The following KCNE3 variants were observed in gnomAD, a reference collection of about 807,000 sequenced individuals.
KCNE3 encodes potassium voltage-gated channel subfamily E regulatory subunit 3, also known as potassium voltage-gated channel subfamily E member 3.
Under a neutral mutation model 4.3 loss-of-function variants are expected in KCNE3, and 2 were observed. That is an observed-to-expected ratio of 0.47 (90% CI 0.19 to 1.48). The LOEUF is 1.48. KCNE3 is among the 40% of genes most tolerant of loss of function. The pLI, the probability that KCNE3 is intolerant of heterozygous loss-of-function variation, is 0.25. For synonymous variants in KCNE3, 47 were observed against 52.0 expected, an observed-to-expected ratio of 0.90 and a Z score of 0.41; for missense variants, 128 against 136.8, an observed-to-expected ratio of 0.94 and a Z score of 0.32.
At position 74,457,200 on chromosome 11, in the gene KCNE3, C is replaced by T. The variant is rs1055293593; in HGVS notation, c.*52G>A. The T allele has an allele frequency of 6.4e-7, 1 of 1,555,688 alleles. No individual in the cohort carries two copies. The highest frequency in any genetic ancestry group is 8.8e-7 in the Non-Finnish European group (1 of 1,137,034). ...AGTCCACAGCAGAGTTCTGGAGGCC[C>T]CAGACGCAATCCCCAGGTGTCTTGG... On this transcript the variant is annotated 3_prime_UTR_variant, in exon 3 of 3. Transcript: ENST00000310128.
chr11:74,458,659 C>G (rs886836189), intron 2 of KCNE3, among the ~76,000 whole-genome samples: 1 of 152,060 alleles, frequency 6.6e-6, no homozygotes, highest in African/African-American at 2.4e-5. Context: ...TGTGGTGAAA[C>G]CCGTCTCTAC....
At chr11:74,463,973 G>A (rs559202442) in intron 1 of KCNE3, among the ~76,000 whole-genome samples, 2 of 152,308 alleles carry the variant, frequency 1.3e-5, no homozygotes, top group Admixed American at 1.3e-4. Flanking sequence ...CAATGATCCA[G>A]TGAGATGGAG....
At position 74,457,342 on chromosome 11, in the gene KCNE3, G is replaced by T; in HGVS notation, c.222C>A (p.Ser74Arg). Residue 74 changes from serine (S) to arginine (R), a missense_variant, in exon 3 of 3, where the codon AGC (serine) becomes AGA (arginine). Physicochemically the swap from Ser to Arg is moderately radical, Grantham distance 110. Coordinates refer to ENST00000310128, the MANE Select transcript of KCNE3 (RefSeq NM_005472.5). ...GGGAGCGGGTGTATCCCAGGATGAG[G>T]CTGCCCACAGTTACAGCAAATAGAA... ...VMFLFAVTVG[S>R]LILGYTRSRK... 1 of 1,614,218 alleles carries T rather than the reference G, an allele frequency of 6.2e-7. No individual in the cohort carries two copies.
rs1863841670 is a variant in KCNE3, at chr11:74,457,326, T to A, written c.238A>T (p.Thr80Ser). Residue 80 changes from threonine (T) to serine (S), a missense_variant, in exon 3 of 3, where the codon ACC becomes TCC. Thr to Ser is a moderately conservative substitution (Grantham distance 58). Coordinates refer to ENST00000310128, the MANE Select transcript of KCNE3 (RefSeq NM_005472.5). Reference protein sequence around the residue: ...VTVGSLILGYTRSRKVDKRSD... With the variant: ...VTVGSLILGYSRSRKVDKRSD... ...CGCTTGTCCACTTTGCGGGAGCGGG[T>A]GTATCCCAGGATGAGGCTGCCCACA... The A allele has an allele frequency of 6.2e-7, 1 of 1,614,050 alleles. No homozygotes were observed. Among genetic ancestry groups the A allele is most frequent in the East Asian group, 2.2e-5 (1 of 44,898 alleles).
chr11:74,459,180 T>C (rs1863888003), intron 2 of KCNE3, among the ~76,000 whole-genome samples: 1 of 152,180 alleles, frequency 6.6e-6, no homozygotes, highest in Admixed American at 6.5e-5. Flanking sequence ...AAAGTCATTA[T>C]GTACCTGGCA....
Position 74,455,698 on chromosome 11 carries a change from ATT to A in KCNE3, c.*1552_*1553del, listed in dbSNP as rs546391778. The A allele has an allele frequency of 3.3e-5, 5 of 151,494 alleles. No individual in the cohort carries two copies. The highest frequency in any genetic ancestry group is 7.4e-5 in the Non-Finnish European group (5 of 67,978). The allele number at this position is 151,494 out of a possible 1,614,324, so 9.4% of individuals were successfully genotyped here. A position where few individuals can be genotyped will look rare whatever the true frequency, so the allele number is the denominator to read the frequency against. ...CTCTGCTTCTTTTAATATAATAATA[ATT>A]TAGGTGCGATATCAGTCTTTTTTGT... On this transcript the variant is annotated 3_prime_UTR_variant, in exon 3 of 3. Coordinates refer to ENST00000310128, the MANE Select transcript of KCNE3 (RefSeq NM_005472.5).
intron 2 of KCNE3, among the ~76,000 whole-genome samples, chr11:74,458,096 G>A (rs7931935): frequency 0.045 from 6,878 of 152,198 alleles, 503 homozygotes; most frequent in African/African-American, 0.16. Context: ...TTACATGTTT[G>A]TCTTCTCCAT....
At chr11:74,465,367 G>C (rs1322591581) in intron 1 of KCNE3, among the ~76,000 whole-genome samples, 5 of 152,126 alleles carry the variant, frequency 3.3e-5, no homozygotes, top group Non-Finnish European at 7.3e-5. Flanking sequence ...GATTTCATTT[G>C]GTCTGGGGAA....
In KCNE3 at chr11:74,457,554, T is replaced by C. The variant is rs200856070; in HGVS notation, c.10A>G (p.Thr4Ala). The C allele has an allele frequency of 5.3e-5, 86 of 1,614,156 alleles. No individual in the cohort carries two copies. The East Asian group carries it at 1.7e-3, about 33-fold the overall frequency. Residue 4 changes from threonine (T) to alanine (A), a missense_variant, in exon 3 of 3, where the codon ACC becomes GCC. By Grantham distance (58) the Thr-to-Ala change is moderately conservative. Transcript: ENST00000310128. METTNGTETWYESL... is the reference protein window; with the variant it reads METANGTETWYESL... The stretch of plus-strand genomic sequence containing the variant: ...TCATACCAGGTCTCCGTTCCATTGG[T>C]AGTCTCCATAGCAACAGGGATTGAG...
rs1258853072 is a variant in KCNE3 at position 74,455,007 on chromosome 11, C to T, written c.*2245G>A. On this transcript the variant is annotated 3_prime_UTR_variant, in exon 3 of 3. Coordinates refer to ENST00000310128, the MANE Select transcript of KCNE3 (RefSeq NM_005472.5). ...AGGGCTTGAGCAACAGGGCTCAGCA[C>T]AGGTTTGCAGAGCATCAACATAACT... 6.6e-6 allele frequency: 1 copy of T among 152,232 alleles called. No individual in the cohort carries two copies. Among genetic ancestry groups the T allele is most frequent in the Non-Finnish European group, 1.5e-5 (1 of 68,044 alleles). 9.4% of individuals were successfully genotyped at this position (152,232 alleles called of 1,614,324 possible).
At chr11:74,463,359 G>A (rs997191089) in intron 1 of KCNE3, among the ~76,000 whole-genome samples, 3 of 152,142 alleles carry the variant, frequency 2.0e-5, no homozygotes, top group Non-Finnish European at 4.4e-5. Context: ...GGGAGGGAAG[G>A]CTGGGGTGCC....
Position 74,457,538 on chromosome 11 carries a change from G to T in KCNE3, c.26C>A (p.Thr9Asn). Reference protein sequence around the residue: METTNGTETWYESLHAVLK... With the variant: METTNGTENWYESLHAVLK... ...CACGGCATGCAGGCTCTCATACCAGGTCTCCGTTCCATTGGTAGTCTCCAT... is the reference window on the plus strand; with the variant it reads ...CACGGCATGCAGGCTCTCATACCAGTTCTCCGTTCCATTGGTAGTCTCCAT... The change falls in exon 3 of 3, where the codon ACC becomes AAC. Residue 9 changes from threonine (T) to asparagine (N), a missense_variant. Coordinates refer to ENST00000310128, the MANE Select transcript of KCNE3 (RefSeq NM_005472.5). 6.2e-7 allele frequency: 1 copy of T among 1,614,186 alleles called. No homozygotes were observed. The highest frequency in any genetic ancestry group is 8.5e-7 in the Non-Finnish European group (1 of 1,180,028).
intron 2 of KCNE3, among the ~76,000 whole-genome samples, chr11:74,460,833 TGGCTGTCA>T (rs1269115850): frequency 6.6e-6 from 1 of 152,200 alleles, no homozygotes; most frequent in African/African-American, 2.4e-5. Context: ...AAGGATACTC[TGGCTGTCA>T]TGTGGACTGG....
intron 2 of KCNE3, among the ~76,000 whole-genome samples, chr11:74,461,298 G>T (rs906197765): frequency 4.7e-3 from 229 of 48,416 alleles, no homozygotes; most frequent in East Asian, 0.01. Context: ...TGTTTTGTGT[G>T]TGTGTGTGTG....
chr11:74,462,129 A>T (rs1863968186), intron 1 of KCNE3, 26 bp from the exon 2 acceptor site: 1 of 153,040 alleles, frequency 6.5e-6, no homozygotes, highest in Admixed American at 6.5e-5. Context: ...GAAGGCAGAA[A>T]AGGAAGGAAC....
chr11:74,464,073 G>T (rs1864011200), intron 1 of KCNE3, among the ~76,000 whole-genome samples: 2 of 152,162 alleles, frequency 1.3e-5, no homozygotes, highest in African/African-American at 4.8e-5. Flanking sequence ...TGATTCCCCA[G>T]ATGAGCCAGG....
At chr11:74,459,308 C>G (rs1045149851) in intron 2 of KCNE3, among the ~76,000 whole-genome samples, 1 of 134,086 alleles carries the variant, frequency 7.5e-6, no homozygotes, top group Non-Finnish European at 1.5e-5. Flanking sequence ...GTCGCCCAGG[C>G]TGCAGTGCAG....
At chr11:74,466,533 T>C (rs1189429800) in intron 1 of KCNE3, among the ~76,000 whole-genome samples, 2 of 152,246 alleles carry the variant, frequency 1.3e-5, no homozygotes, top group Admixed American at 6.5e-5. Flanking sequence ...ACTTGGGTTC[T>C]AATTCTGTTT....
chr11:74,466,004 T>C (rs1864050227), intron 1 of KCNE3, among the ~76,000 whole-genome samples: 1 of 152,012 alleles, frequency 6.6e-6, no homozygotes, highest in African/African-American at 2.4e-5. Context: ...AACCTCACCT[T>C]CTCCAGAAGC....
Sources: allele counts gnomAD v4.1 joint callset (sites outside exome capture counted in the v4.1 genomes callset), GRCh38; gene constraint gnomAD v4.1.1; transcripts MANE v1.5; gene names NCBI Gene and HGNC (gene_info 2026-07-23, HGNC 2026-07-21).